Variants in GTF2A1 observed in about 807,000 individuals in gnomAD.
The protein encoded by GTF2A1 is general transcription factor IIA subunit 1, also known as transcription initiation factor IIA subunit 1.
In GTF2A1, 12 loss-of-function variants were observed where a neutral mutation model predicts 54.1. The ratio of observed to expected loss-of-function variants is 0.22; its 90% CI spans 0.14 to 0.36. GTF2A1 has a LOEUF of 0.36. Ranked by LOEUF, GTF2A1 falls within the 10% of genes least tolerant of loss-of-function variation. The pLI is 1.00. For missense variants in GTF2A1, 335 were observed against 442.2 expected (o/e 0.76, Z 2.17); for synonymous variants, 145 against 152.0 (o/e 0.95, Z 0.34).
chr14:81,193,232 T>C (rs1466364564), intron 6 of GTF2A1, among the ~76,000 whole-genome samples: 1 of 150,140 alleles, frequency 6.7e-6, no homozygotes, highest in Non-Finnish European at 1.5e-5. Context: ...AATGGTGTGA[T>C]CTCGGCTCAC....
In GTF2A1 at chr14:81,182,255, A is replaced by C. The variant is rs375207021; in HGVS notation, c.1024-1925T>G. 3.3e-5 allele frequency among the ~76,000 whole-genome samples: 5 copies of C among 152,350 alleles called. No individual in the cohort carries two copies. In the East Asian group the frequency reaches 7.7e-4, roughly 23 times the overall value. ...TAGGGTAAAGACTGTTGGATTAAGAACTAATTATATCTCTGGTCTAAATAC... is the reference window on the plus strand; with the variant it reads ...TAGGGTAAAGACTGTTGGATTAAGACCTAATTATATCTCTGGTCTAAATAC... On this transcript the variant is annotated intron_variant, in intron 8 of 8. Coordinates refer to ENST00000553612, the MANE Select transcript of GTF2A1 (RefSeq NM_015859.4).
chr14:81,192,714 G>A lies in GTF2A1; in HGVS notation c.738C>T (p.Ala246=). 1 of 1,614,074 alleles carries A rather than the reference G, an allele frequency of 6.2e-7. No homozygotes were observed. Among genetic ancestry groups the A allele is most frequent in the African/African-American group, 1.3e-5 (1 of 75,038 alleles). The part of the protein sequence containing the change: ...IPTTVAAPTP[A]QAQITATGQQ... ...GGCCAGTTGCAGTTATCTGTGCTTGGGCTGGTGTAGGTGCTGCCACTGTCG... is the reference window on the plus strand; with the variant it reads ...GGCCAGTTGCAGTTATCTGTGCTTGAGCTGGTGTAGGTGCTGCCACTGTCG... Residue 246 remains alanine (A), a synonymous_variant, in exon 7 of 9, where the codon GCC becomes GCT. Transcript: ENST00000553612.
intron 1 of GTF2A1, among the ~76,000 whole-genome samples, chr14:81,219,925 C>T (rs1319994154): frequency 6.6e-6 from 1 of 152,126 alleles, no homozygotes; most frequent in Admixed American, 6.5e-5. Context: ...AACCAACCTT[C>T]GTCCTTTTTT....
intron 2 of GTF2A1, 159 bp from the exon 3 acceptor site, chr14:81,204,263 A>G (rs1360035382): frequency 1.3e-6 from 1 of 761,182 alleles, no homozygotes; most frequent in African/African-American, 1.7e-5. Flanking sequence ...TGAAACAATA[A>G]CAAAAACAAA....
intron 8 of GTF2A1, among the ~76,000 whole-genome samples, chr14:81,181,508 A>T (rs553591854): frequency 6.6e-6 from 1 of 152,280 alleles, no homozygotes; most frequent in African/African-American, 2.4e-5. Context: ...TGTTTCATAT[A>T]ATAATGCAGA....
chr14:81,182,032 A>G (rs2140145207), intron 8 of GTF2A1, among the ~76,000 whole-genome samples: 1 of 152,226 alleles, frequency 6.6e-6, no homozygotes, highest in Middle Eastern at 3.4e-3. Flanking sequence ...AATCTTTCAG[A>G]GTTTACCCTT....
At chr14:81,196,315 A>T in intron 5 of GTF2A1, 74 bp from the exon 6 acceptor site, 1 of 1,445,740 alleles carries the variant, frequency 6.9e-7, no homozygotes, top group Non-Finnish European at 9.7e-7. Context: ...TTCATATTTA[A>T]TTTCATACCA....
chr14:81,207,826 T>A (rs1893274975), intron 2 of GTF2A1, among the ~76,000 whole-genome samples: 1 of 152,258 alleles, frequency 6.6e-6, no homozygotes, highest in African/African-American at 2.4e-5. Context: ...ATTTTGCCGC[T>A]GCCCGAGAGA....
intron 1 of GTF2A1, among the ~76,000 whole-genome samples, chr14:81,218,053 A>T (rs552395482): frequency 1.5e-3 from 224 of 152,052 alleles, no homozygotes; most frequent in African/African-American, 5.0e-3. Context: ...CATCTTGCCT[A>T]AAGTGACTTA....
chr14:81,220,304 C>T (rs1184575911), intron 1 of GTF2A1, among the ~76,000 whole-genome samples, 185 bp downstream of exon 1: 2 of 144,732 alleles, frequency 1.4e-5, no homozygotes, highest in African/African-American at 2.5e-5. Flanking sequence ...GCCCTCGGCG[C>T]CCCCCCGCGC....
At chr14:81,190,874 A>C (rs1892861287) in intron 7 of GTF2A1, among the ~76,000 whole-genome samples, 1 of 152,202 alleles carries the variant, frequency 6.6e-6, no homozygotes, top group Admixed American at 6.5e-5. Flanking sequence ...CTACAGATAC[A>C]TTATGAGGAC....
At chr14:81,185,886 C>G (rs189040534) in intron 7 of GTF2A1, among the ~76,000 whole-genome samples, 4 of 152,184 alleles carry the variant, frequency 2.6e-5, no homozygotes, top group South Asian at 2.1e-4. Flanking sequence ...TTTTTTGAGA[C>G]ACAGTCTCGC....
At chr14:81,181,701 C>T (rs1250114324) in intron 8 of GTF2A1, among the ~76,000 whole-genome samples, 1 of 152,228 alleles carries the variant, frequency 6.6e-6, no homozygotes, top group East Asian at 1.9e-4. Flanking sequence ...CTCACCATCA[C>T]GCCCAGCTAA....
intron 7 of GTF2A1, among the ~76,000 whole-genome samples, chr14:81,189,595 C>T (rs901772089): frequency 6.6e-6 from 1 of 151,904 alleles, no homozygotes; most frequent in Non-Finnish European, 1.5e-5. Flanking sequence ...GGCGTAAACC[C>T]GGGGGATGGA....
intron 7 of GTF2A1, among the ~76,000 whole-genome samples, chr14:81,189,111 A>G (rs576822796): frequency 7.2e-5 from 11 of 152,226 alleles, no homozygotes; most frequent in Non-Finnish European, 1.6e-4. Flanking sequence ...AAGCTGTACC[A>G]GGCAAATTCT....
Position 81,204,261 on chromosome 14 carries a change from T to A in GTF2A1, c.133-157A>T, listed in dbSNP as rs1159080369. The A allele has an allele frequency of 5.2e-6, 4 of 764,028 alleles. No homozygotes were observed. The South Asian group carries it at 5.6e-5, about 11-fold the overall frequency. 47.3% of individuals were successfully genotyped at this position (764,028 alleles called of 1,614,324 possible). A position where few individuals can be genotyped will look rare whatever the true frequency, so the allele number is the denominator to read the frequency against. On this transcript the variant is annotated intron_variant, in intron 2 of 8. Transcript: ENST00000553612. ...TGTAATTCTAACCCAAGTGAAACAATAACAAAAACAAAATTTTAAAGTATC... is the reference window on the plus strand; with the variant it reads ...TGTAATTCTAACCCAAGTGAAACAAAAACAAAAACAAAATTTTAAAGTATC...
At chr14:81,196,305 T>A (rs1892992705) in intron 5 of GTF2A1, 64 bp from the exon 6 acceptor site, 25 of 1,525,524 alleles carry the variant, frequency 1.6e-5, no homozygotes, top group Non-Finnish European at 2.1e-5. Flanking sequence ...AAGAAATGAA[T>A]TCATATTTAA....
chr14:81,190,754 C>T (rs1892858540), intron 7 of GTF2A1, among the ~76,000 whole-genome samples: 1 of 152,064 alleles, frequency 6.6e-6, no homozygotes, highest in Non-Finnish European at 1.5e-5. Context: ...AGAGTGCCTG[C>T]TATCACCACT....
chr14:81,180,357 TGA>T (rs753257974), intron 8 of GTF2A1, 27 bp from the exon 9 acceptor site: 4 of 957,542 alleles, frequency 4.2e-6, no homozygotes, highest in East Asian at 2.4e-5. Context: ...TTTTAAAAAT[TGA>T]GAGATACAAT....
Sources: gnomAD v4.1 joint callset for allele counts (sites outside exome capture counted in the v4.1 genomes callset) on GRCh38, gnomAD v4.1.1 for gene constraint, MANE v1.5 for transcripts, NCBI Gene and HGNC (gene_info 2026-07-23, HGNC 2026-07-21) for gene names.